The following CA12 variants were observed in gnomAD, a reference collection of about 807,000 sequenced individuals.
CA12 encodes the protein carbonate dehydratase XII.
In CA12, 36 loss-of-function variants were observed where a neutral mutation model predicts 46.8. The ratio of observed to expected loss-of-function variants is 0.77; its 90% confidence interval spans 0.59 to 1.02. The LOEUF is 1.02. Ranked by LOEUF, CA12 falls within the 50% of genes least tolerant of loss-of-function variation. The pLI, the probability that CA12 is intolerant of heterozygous loss-of-function variation, is 0.00. For missense variants in CA12, 436 were observed against 451.4 expected (o/e 0.97, Z 0.31); for synonymous variants, 202 against 187.0 (o/e 1.08, Z -0.65).
chr15:63,332,482 G>C (rs1245288669), intron 8 of CA12, among the ~76,000 whole-genome samples: 1 of 152,218 alleles, frequency 6.6e-6, no homozygotes, highest in Non-Finnish European at 1.5e-5. Flanking sequence ...CAGAGCCTCA[G>C]GGGCAGGTTA....
chr15:63,353,461 G>A (rs1054560896), intron 2 of CA12, among the ~76,000 whole-genome samples: 1 of 152,204 alleles, frequency 6.6e-6, no homozygotes, highest in Admixed American at 6.5e-5. Context: ...CCAGGTCTGG[G>A]TCCTGCCCTG....
At chr15:63,337,399 C>A (rs1411152731) in intron 8 of CA12, among the ~76,000 whole-genome samples, 1 of 152,160 alleles carries the variant, frequency 6.6e-6, no homozygotes, top group African/African-American at 2.4e-5. Flanking sequence ...AAAAGTGCAC[C>A]AGGTGAGACG....
rs768463465 is a variant in CA12 at position 63,341,972 on chromosome 15, T to C, written c.525+30A>G. The C allele has an allele frequency of 2.7e-6, 4 of 1,499,618 alleles. No individual in the cohort carries two copies. The highest frequency in any genetic ancestry group is 2.3e-5 in the South Asian group (2 of 88,270). The allele number at this position is 1,499,618 out of a possible 1,614,324, so 92.9% of individuals were successfully genotyped here. ...CCCAATCTCATCCCTGCTTCAAATT[T>C]CACCTAAGAACCTTTTAAATATCTC... On this transcript the variant is annotated intron_variant, in intron 5 of 10. Transcript: ENST00000178638. The surrounding 1 kb of genome is among the most constrained non-coding windows in gnomAD (Gnocchi z 5.2).
At chr15:63,333,470 G>A (rs905146170) in intron 8 of CA12, among the ~76,000 whole-genome samples, 1 of 152,234 alleles carries the variant, frequency 6.6e-6, no homozygotes, top group Non-Finnish European at 1.5e-5. Context: ...TAGCACCTTG[G>A]ACCAATGCTC....
At chr15:63,361,654 G>T (rs1452278953) in intron 2 of CA12, among the ~76,000 whole-genome samples, 2 of 152,148 alleles carry the variant, frequency 1.3e-5, no homozygotes, top group Admixed American at 1.3e-4. Context: ...ACCAGAGCAT[G>T]CCCCACAGCG....
intron 4 of CA12, among the ~76,000 whole-genome samples, chr15:63,342,547 G>C (rs773664375): frequency 2.0e-5 from 3 of 152,202 alleles, no homozygotes; most frequent in Admixed American, 6.5e-5. Context: ...AGAATAGACT[G>C]TAAATATTTC....
chr15:63,346,405 G>A (rs1413605123), intron 3 of CA12, 125 bp downstream of exon 3: 15 of 389,160 alleles, frequency 3.9e-5, no homozygotes, highest in East Asian at 1.7e-4. Flanking sequence ...AGACACCCCC[G>A]CCCCGCCCCA....
At position 63,372,595 on chromosome 15, in the gene CA12, G is replaced by A. The variant is rs920707730; in HGVS notation, c.106+3063C>T. Among the ~76,000 whole-genome samples the A allele has an allele frequency of 6.6e-6, 1 of 152,190 alleles. No homozygotes were observed. Among genetic ancestry groups the A allele is most frequent in the Non-Finnish European group, 1.5e-5 (1 of 68,024 alleles). ...GCACATGAGCCACCATGCCCAGCACGGAGCCTTTGGTTGGACTTGCCCCAT... is the reference window on the plus strand; with the variant it reads ...GCACATGAGCCACCATGCCCAGCACAGAGCCTTTGGTTGGACTTGCCCCAT... On this transcript the variant is annotated intron_variant, in intron 2 of 10. Coordinates refer to ENST00000178638, the MANE Select transcript of CA12 (RefSeq NM_001218.5). The surrounding 1 kb of genome is among the most constrained non-coding windows in gnomAD (Gnocchi z 4.5).
rs2270764 is a variant in CA12, at chr15:63,346,817, A to G, written c.107-108T>C. The G allele has an allele frequency of 0.54, 692,639 of 1,291,144 alleles. 195,555 individuals carry two copies. The highest frequency in any genetic ancestry group is 0.6 in the Non-Finnish European group (543,913 of 909,854). The allele number at this position is 1,291,144 out of a possible 1,614,324, so 80.0% of individuals were successfully genotyped here. A position where few individuals can be genotyped will look rare whatever the true frequency, so the allele number is the denominator to read the frequency against. On this transcript the variant is annotated intron_variant, in intron 2 of 10. Coordinates refer to ENST00000178638, the MANE Select transcript of CA12 (RefSeq NM_001218.5). Reference sequence around the variant, plus strand: ...TTACTCCTTTTCTCCTCTTTTCTGAATCCCCGGAGGTAAATCTTCAAGGCT... The same window carrying G: ...TTACTCCTTTTCTCCTCTTTTCTGAGTCCCCGGAGGTAAATCTTCAAGGCT...
Position 63,330,820 on chromosome 15 carries a change from C to T in CA12, c.875-2690G>A, listed in dbSNP as rs1021155418. On this transcript the variant is annotated intron_variant, in intron 8 of 10. Transcript: ENST00000178638. The surrounding 1 kb of genome is among the most constrained non-coding windows in gnomAD (Gnocchi z 4.0). ...GCATAGTTGAACCCAGTGCTGTGAC[C>T]TGGGATCTTTGCTCCTTGAGGACCA... Among the ~76,000 whole-genome samples the T allele has an allele frequency of 1.3e-5, 2 of 152,194 alleles. No individual in the cohort carries two copies. The highest frequency in any genetic ancestry group is 4.8e-5 in the African/African-American group (2 of 41,436).
intron 2 of CA12, among the ~76,000 whole-genome samples, chr15:63,358,313 T>C (rs903806786): frequency 1.3e-5 from 2 of 152,220 alleles, no homozygotes; most frequent in East Asian, 3.8e-4. Context: ...CTATTATTTG[T>C]GACAAGCTCT....
At chr15:63,326,979 C>A (rs896239581) in intron 10 of CA12, among the ~76,000 whole-genome samples, 170 bp downstream of exon 10, 1 of 152,220 alleles carries the variant, frequency 6.6e-6, no homozygotes, top group Non-Finnish European at 1.5e-5. Flanking sequence ...GTCACATGTG[C>A]GTCTCATGCA....
intron 1 of CA12, among the ~76,000 whole-genome samples, chr15:63,376,001 GT>G (rs1161183291): frequency 6.6e-6 from 1 of 152,040 alleles, no homozygotes; most frequent in Admixed American, 6.6e-5. Flanking sequence ...TAGAGATGGG[GT>G]TTCTCCATGT....
At chr15:63,359,314 C>T (rs1344663148) in intron 2 of CA12, among the ~76,000 whole-genome samples, 1 of 152,002 alleles carries the variant, frequency 6.6e-6, no homozygotes, top group Non-Finnish European at 1.5e-5. Context: ...CCAAAGCTCC[C>T]CCCAACCCTC....
chr15:63,333,406 C>T (rs770913147), intron 8 of CA12, among the ~76,000 whole-genome samples: 7 of 152,204 alleles, frequency 4.6e-5, no homozygotes, highest in African/African-American at 7.2e-5. Context: ...GCGCATAACT[C>T]GGACTGTGCT....
rs780812108 is a variant in CA12, at chr15:63,325,785, G to A, written c.*500C>T. On this transcript the variant is annotated 3_prime_UTR_variant, in exon 11 of 11. Transcript: ENST00000178638. The surrounding 1 kb of genome is among the most constrained non-coding windows in gnomAD (Gnocchi z 4.9). ...CCGAGTTGTAAGGTGCAGATTAAAG[G>A]TTTTGTCATAGCAGAAGGAAATCAG... The A allele has an allele frequency of 1.9e-5, 4 of 214,686 alleles. No individual in the cohort carries two copies. Among genetic ancestry groups the A allele is most frequent in the African/African-American group, 6.8e-5 (3 of 44,134 alleles). 13.3% of individuals were successfully genotyped at this position (214,686 alleles called of 1,614,324 possible).
At position 63,372,594 on chromosome 15, in the gene CA12, C is replaced by T. The variant is rs995906385; in HGVS notation, c.106+3064G>A. On this transcript the variant is annotated intron_variant, in intron 2 of 10. Transcript: ENST00000178638. The surrounding 1 kb of genome is among the most constrained non-coding windows in gnomAD (Gnocchi z 4.5). Reference sequence around the variant, plus strand: ...TGCACATGAGCCACCATGCCCAGCACGGAGCCTTTGGTTGGACTTGCCCCA... The same window carrying T: ...TGCACATGAGCCACCATGCCCAGCATGGAGCCTTTGGTTGGACTTGCCCCA... 2.6e-5 allele frequency among the ~76,000 whole-genome samples: 4 copies of T among 152,236 alleles called. No individual in the cohort carries two copies. The highest frequency in any genetic ancestry group is 4.4e-5 in the Non-Finnish European group (3 of 68,044).
rs2038920171 is a variant in CA12 at position 63,330,292 on chromosome 15, G to T, written c.875-2162C>A. ...CTGTGGCCTCTGCACAGTGGAACTT[G>T]GTATTAGGGTTGGTTGTTTCTTTTT... On this transcript the variant is annotated intron_variant, in intron 8 of 10. Coordinates refer to ENST00000178638, the MANE Select transcript of CA12 (RefSeq NM_001218.5). The surrounding 1 kb of genome is among the most constrained non-coding windows in gnomAD (Gnocchi z 4.0). Among the ~76,000 whole-genome samples the T allele has an allele frequency of 2.0e-5, 3 of 152,204 alleles. No individual in the cohort carries two copies. In the South Asian group the frequency reaches 6.2e-4, roughly 32 times the overall value.
intron 2 of CA12, among the ~76,000 whole-genome samples, chr15:63,366,673 C>T (rs2039438498): frequency 6.6e-6 from 1 of 152,162 alleles, no homozygotes; most frequent in African/African-American, 2.4e-5. Flanking sequence ...TTTACATCTG[C>T]CTTTGATTAA....
Sources: allele counts gnomAD v4.1 joint callset (sites outside exome capture counted in the v4.1 genomes callset), GRCh38; gene constraint gnomAD v4.1.1; non-coding constraint Gnocchi (gnomAD v3.1); transcripts MANE v1.5; gene names NCBI Gene and HGNC (gene_info 2026-07-23, HGNC 2026-07-21).